The following DAB1 variants were observed in gnomAD, a reference collection of about 807,000 sequenced individuals.
DAB1 encodes the protein disabled homolog 1.
A neutral mutation model predicts 64.6 loss-of-function variants in DAB1; 15 were observed. The ratio of observed to expected loss-of-function variants is 0.23; its 90% CI spans 0.16 to 0.36. The LOEUF is 0.36. Among genes scored for constraint, DAB1 ranks in the 10% least tolerant of loss-of-function variants. The pLI, the probability that DAB1 is intolerant of heterozygous loss-of-function variation, is 1.00. For synonymous variants in DAB1, 235 were observed against 251.9 expected, an observed-to-expected ratio of 0.93 and a Z score of 0.64; for missense variants, 596 against 706.7, an observed-to-expected ratio of 0.84 and a Z score of 1.78.
chr1:57,728,429 TAA>T (rs1647273991), intron 6 of DAB1, among the ~76,000 whole-genome samples: 2 of 151,970 alleles, frequency 1.3e-5, no homozygotes, highest in Non-Finnish European at 2.9e-5. Context: ...CCGGCTCTAC[TAA>T]AAATACAAAA....
intron 9 of DAB1, among the ~76,000 whole-genome samples, chr1:57,040,565 G>A (rs1392249674): frequency 4.6e-5 from 7 of 152,136 alleles, no homozygotes; most frequent in Admixed American, 6.5e-5. Context: ...CCTTTGTGAG[G>A]GGAAGGATCA....
chr1:57,102,207 T>A (rs997997684), intron 4 of DAB1, among the ~76,000 whole-genome samples: 3 of 152,162 alleles, frequency 2.0e-5, no homozygotes, highest in Non-Finnish European at 4.4e-5. Context: ...TCTCTGTCTC[T>A]GTCTCTGTCT....
At chr1:57,355,499 C>T (rs1291526529) in intron 1 of DAB1, among the ~76,000 whole-genome samples, 1 of 151,854 alleles carries the variant, frequency 6.6e-6, no homozygotes, top group African/African-American at 2.4e-5. Context: ...ACAGAGACAA[C>T]CTTAATATAG....
intron 1 of DAB1, among the ~76,000 whole-genome samples, chr1:57,297,709 C>G (rs1387537523): frequency 1.3e-5 from 2 of 152,104 alleles, no homozygotes; most frequent in African/African-American, 2.4e-5. Flanking sequence ...GAAAACAAAG[C>G]CTAGCTCAAA....
intron 1 of DAB1, among the ~76,000 whole-genome samples, chr1:57,840,174 C>T (rs577108546): frequency 6.6e-6 from 1 of 152,244 alleles, no homozygotes; most frequent in South Asian, 2.1e-4. Flanking sequence ...GTGGGTGATG[C>T]TGAAGCCACA....
chr1:57,062,779 C>T, intron 9 of DAB1, 105 bp downstream of exon 9: 1 of 913,486 alleles, frequency 1.1e-6, no homozygotes, highest in Non-Finnish European at 1.7e-6. Flanking sequence ...ACATGTGGGG[C>T]CATGACACTC....
chr1:58,247,033 TTA>T (rs1303744000), intron 4 of DAB1, among the ~76,000 whole-genome samples: 1 of 152,128 alleles, frequency 6.6e-6, no homozygotes, highest in Non-Finnish European at 1.5e-5. Context: ...AGGGAGCACT[TTA>T]TGTTTTTGAT....
At chr1:58,334,568 T>TAA (rs1663055597) in intron 4 of DAB1, among the ~76,000 whole-genome samples, 1 of 150,218 alleles carries the variant, frequency 6.7e-6, no homozygotes, top group African/African-American at 2.4e-5. Flanking sequence ...TCACAGGCAA[T>TAA]AGAGCCTTTG....
intron 7 of DAB1, among the ~76,000 whole-genome samples, chr1:57,590,987 G>T (rs1645439694): frequency 1.3e-5 from 2 of 152,134 alleles, no homozygotes; most frequent in Admixed American, 6.5e-5. Context: ...TGAGAGCCAA[G>T]AATTTATTTT....
intron 4 of DAB1, among the ~76,000 whole-genome samples, chr1:58,201,025 T>TTTC (rs1553167007): frequency 1.3e-5 from 2 of 151,634 alleles, no homozygotes; most frequent in African/African-American, 4.8e-5. Context: ...TTGTTTTGTT[T>TTTC]TTTTTTTTTG....
chr1:57,429,637 G>A (rs556037658), intron 7 of DAB1, among the ~76,000 whole-genome samples: 17 of 152,148 alleles, frequency 1.1e-4, no homozygotes, highest in East Asian at 1.9e-4. Context: ...TCCATCTGTC[G>A]TTAATCCATT....
chr1:58,349,115 A>G (rs1177248260), intron 3 of DAB1, among the ~76,000 whole-genome samples: 1 of 152,210 alleles, frequency 6.6e-6, no homozygotes, highest in African/African-American at 2.4e-5. Flanking sequence ...TTACTGGCAC[A>G]TGACATCAGG....
chr1:57,620,212 C>T (rs1312311882), intron 7 of DAB1, among the ~76,000 whole-genome samples: 2 of 152,046 alleles, frequency 1.3e-5, no homozygotes, highest in Admixed American at 6.6e-5. Flanking sequence ...TAGAGGAGCT[C>T]AGTGCGAGAA....
intron 4 of DAB1, among the ~76,000 whole-genome samples, chr1:58,289,856 C>G (rs1435721986): frequency 6.6e-6 from 1 of 152,144 alleles, no homozygotes; most frequent in Non-Finnish European, 1.5e-5. Flanking sequence ...CCATCCTACC[C>G]AAAAGATGGC....
At chr1:58,312,059 G>A (rs1662443303) in intron 4 of DAB1, among the ~76,000 whole-genome samples, 1 of 152,122 alleles carries the variant, frequency 6.6e-6, no homozygotes, top group Non-Finnish European at 1.5e-5. Context: ...AAGGAAGCAA[G>A]AAAAAGCTGC....
intron 1 of DAB1, chr1:58,538,951 G>A (rs1284227438): frequency 9.2e-6 from 8 of 872,734 alleles, no homozygotes; most frequent in Non-Finnish European, 1.6e-5. Flanking sequence ...ACTAGGGACT[G>A]CTGTAACTTC....
chr1:57,686,426 G>T (rs1239906494), intron 6 of DAB1, among the ~76,000 whole-genome samples: 1 of 151,956 alleles, frequency 6.6e-6, no homozygotes, highest in African/African-American at 2.4e-5. Flanking sequence ...AACCAGAAAA[G>T]AAAAACCGCG....
chr1:57,045,091 G>A (rs1489747701), intron 9 of DAB1, among the ~76,000 whole-genome samples: 1 of 152,204 alleles, frequency 6.6e-6, no homozygotes, highest in Non-Finnish European at 1.5e-5. Context: ...CCTAAAGTGG[G>A]TTAGCTTTGG....
intron 5 of DAB1, among the ~76,000 whole-genome samples, chr1:58,114,803 G>C (rs1652219413): frequency 6.6e-6 from 1 of 152,174 alleles, no homozygotes; most frequent in Non-Finnish European, 1.5e-5. Context: ...AAGCAAGGCT[G>C]ATATTCAATC....
Sources: allele counts gnomAD v4.1 joint callset (sites outside exome capture counted in the v4.1 genomes callset), GRCh38; gene constraint gnomAD v4.1.1; transcripts MANE v1.5; gene names NCBI Gene and HGNC (gene_info 2026-07-23, HGNC 2026-07-21).